BBS4: variants seen among roughly 807,000 people sequenced by gnomAD.
BBS4 encodes the protein Bardet-Biedl syndrome 4.
BBS4 carries 58 observed loss-of-function variants against 71.4 expected under a neutral mutation model. That is an observed-to-expected ratio of 0.81 (90% CI 0.66 to 1.01). BBS4 has a LOEUF of 1.01. Among genes scored for constraint, BBS4 ranks in the 50% least tolerant of loss-of-function variants. The probability of loss-of-function intolerance (pLI) is 0.00; values close to 1 mark genes in which losing one functional copy is unlikely to be tolerated. For synonymous variants in BBS4, 228 were observed against 216.8 expected (o/e 1.05, Z -0.46); for missense variants, 660 against 607.9 (o/e 1.09, Z -0.90).
At chr15:72,713,826 C>T (rs1431591744) in intron 4 of BBS4, among the ~76,000 whole-genome samples, 2 of 152,152 alleles carry the variant, frequency 1.3e-5, no homozygotes, top group African/African-American at 2.4e-5. Flanking sequence ...ATACAGCTGT[C>T]GACCAAAATG....
chr15:72,714,220 CTTTTTTTTTTTT>C (rs58123834), intron 4 of BBS4, among the ~76,000 whole-genome samples: 5 of 98,482 alleles, frequency 5.1e-5, no homozygotes, highest in East Asian at 3.1e-4. Flanking sequence ...CACTCACTTA[CTTTTTTTTTTTT>C]TTTTTTTTTT....
intron 2 of BBS4, chr15:72,704,466 A>G (rs1340183730): frequency 8.5e-6 from 11 of 1,287,070 alleles, no homozygotes; most frequent in Non-Finnish European, 9.1e-6. Context: ...CAGAAATTCA[A>G]CTTATATATT....
intron 7 of BBS4, among the ~76,000 whole-genome samples, chr15:72,724,119 C>T (rs2065624854): frequency 6.6e-6 from 1 of 152,156 alleles, no homozygotes; most frequent in Non-Finnish European, 1.5e-5. Flanking sequence ...ATTCATTTAT[C>T]ATCACATTGA....
At chr15:72,735,667 T>C (rs776522254) in intron 13 of BBS4, 158 bp from the exon 14 acceptor site, 22 of 927,320 alleles carry the variant, frequency 2.4e-5, no homozygotes, top group Non-Finnish European at 3.6e-5. Context: ...CCTTGATTCT[T>C]CTCCACAGGT....
At chr15:72,731,524 C>G in intron 11 of BBS4, 31 bp from the exon 12 acceptor site, 1 of 1,614,212 alleles carries the variant, frequency 6.2e-7, no homozygotes, top group Non-Finnish European at 8.5e-7. Context: ...TTAGCTTGCC[C>G]TTCTCATTGA....
intron 7 of BBS4, among the ~76,000 whole-genome samples, chr15:72,723,187 G>A (rs2065607546): frequency 6.6e-6 from 1 of 152,120 alleles, no homozygotes. Context: ...TTAAAGGTGT[G>A]ATCATGACCA....
chr15:72,705,960 C>T (rs1204234476), intron 2 of BBS4, among the ~76,000 whole-genome samples: 2 of 152,052 alleles, frequency 1.3e-5, no homozygotes, highest in African/African-American at 2.4e-5. Context: ...TTCTTTTAGA[C>T]TACTTAGTGA....
intron 9 of BBS4, among the ~76,000 whole-genome samples, chr15:72,729,265 T>C (rs1336903379): frequency 2.0e-5 from 1 of 49,624 alleles, no homozygotes; most frequent in Non-Finnish European, 4.3e-5. Context: ...TTTTTTTTTT[T>C]TGGAGACGGA....
chr15:72,712,347 A>G (rs775236839), intron 4 of BBS4, 40 bp downstream of exon 4: 2 of 1,577,928 alleles, frequency 1.3e-6, no homozygotes, highest in East Asian at 2.2e-5. Context: ...AGAGAAATAC[A>G]CTTTTCCTAG....
chr15:72,711,270 C>T (rs1376155418), intron 3 of BBS4, among the ~76,000 whole-genome samples: 1 of 151,996 alleles, frequency 6.6e-6, no homozygotes, highest in East Asian at 1.9e-4. Context: ...GCCTCAGCCT[C>T]CTGAGTAGCT....
chr15:72,687,906 T>C (rs777915590), intron 1 of BBS4, among the ~76,000 whole-genome samples: 6 of 150,210 alleles, frequency 4.0e-5, no homozygotes, highest in Non-Finnish European at 5.9e-5. Flanking sequence ...CACTGCAGCC[T>C]GGGCATCCAG....
At chr15:72,717,147 C>G (rs538771597) in intron 6 of BBS4, 4 of 380,066 alleles carry the variant, frequency 1.1e-5, no homozygotes, top group Admixed American at 4.3e-5. Context: ...TCCACAGTAT[C>G]AGCAATAGGC....
At chr15:72,688,046 C>CAAAAAAAAAA (rs199931617) in intron 1 of BBS4, among the ~76,000 whole-genome samples, 1 of 84,888 alleles carries the variant, frequency 1.2e-5, no homozygotes, top group Non-Finnish European at 2.8e-5. Context: ...GACTCCGTCT[C>CAAAAAAAAAA]AAAAAAAAAA....
At chr15:72,736,741 T>C in intron 14 of BBS4, 21 bp from the exon 15 acceptor site, 2 of 1,613,832 alleles carry the variant, frequency 1.2e-6, no homozygotes, top group Non-Finnish European at 1.7e-6. Context: ...TTGATTCTTT[T>C]ACTTCCTTTG....
chr15:72,733,184 A>G (rs117003315), intron 12 of BBS4, among the ~76,000 whole-genome samples: 1 of 152,272 alleles, frequency 6.6e-6, no homozygotes, highest in Non-Finnish European at 1.5e-5. Context: ...GTGGGGTGTG[A>G]TGGTACATAC....
chr15:72,704,634 C>G (rs1033353361), intron 2 of BBS4, among the ~76,000 whole-genome samples: 2 of 152,114 alleles, frequency 1.3e-5, no homozygotes, highest in African/African-American at 4.8e-5. Flanking sequence ...AATCCCAGCA[C>G]TTTGGGAGAC....
intron 2 of BBS4, 73 bp downstream of exon 2, chr15:72,695,301 T>G: frequency 1.8e-6 from 2 of 1,139,716 alleles, no homozygotes; most frequent in Non-Finnish European, 1.3e-6. Context: ...ATTTATTTTT[T>G]TTTTTGGAGG....
chr15:72,718,622 G>A (rs1179810271), intron 6 of BBS4, among the ~76,000 whole-genome samples: 2 of 152,178 alleles, frequency 1.3e-5, no homozygotes, highest in African/African-American at 4.8e-5. Context: ...ATAGCTAACA[G>A]CCAGAGTGAA....
At chr15:72,735,432 A>G in intron 13 of BBS4, 1 of 545,380 alleles carries the variant, frequency 1.8e-6, no homozygotes, top group Non-Finnish European at 3.3e-6. Context: ...CAGAACTGGC[A>G]GTGGGCTTGG....
Sources: gnomAD v4.1 joint callset for allele counts (sites outside exome capture counted in the v4.1 genomes callset) on GRCh38, gnomAD v4.1.1 for gene constraint, MANE v1.5 for transcripts, NCBI Gene and HGNC (gene_info 2026-07-23, HGNC 2026-07-21) for gene names.